The following C19orf47 variants were observed in gnomAD, a reference collection of about 807,000 sequenced individuals.
The protein encoded by C19orf47 is chromosome 19 open reading frame 47, also known as uncharacterized protein C19orf47.
C19orf47 carries 18 observed loss-of-function variants against 32.3 expected under a neutral mutation model. The ratio of observed to expected loss-of-function variants is 0.56; its 90% confidence interval spans 0.39 to 0.83. The LOEUF (loss-of-function observed/expected upper bound fraction) is 0.83, where lower values mean the gene tolerates loss of function less well. Among genes scored for constraint, C19orf47 ranks in the 40% least tolerant of loss-of-function variants. The pLI is 0.00. For synonymous variants in C19orf47, 202 were observed against 211.1 expected, an observed-to-expected ratio of 0.96 and a Z score of 0.37; for missense variants, 484 against 531.6, an observed-to-expected ratio of 0.91 and a Z score of 0.88.
Position 40,321,924 on chromosome 19 carries a change from G to A in C19orf47, c.1116C>T (p.Gly372=). 6.2e-7 allele frequency: 1 copy of A among 1,612,902 alleles called. No individual in the cohort carries two copies. Among genetic ancestry groups the A allele is most frequent in the South Asian group, 1.1e-5 (1 of 90,988 alleles). Reference sequence around the variant, plus strand: ...CCAGTCTTTTGAACACGCTCACAGTGCCCGCGTGGTCCATCTGGGCACCAA... The same window carrying A: ...CCAGTCTTTTGAACACGCTCACAGTACCCGCGTGGTCCATCTGGGCACCAA... ...EGLGAQMDHA[G]TVSVFKRLGR... Residue 372 remains glycine, a synonymous_variant, in exon 9 of 9, where the codon GGC becomes GGT. Coordinates refer to ENST00000683109, the MANE Select transcript of C19orf47 (RefSeq NM_001256441.2).
At chr19:40,324,133 G>T in intron 7 of C19orf47, 57 bp from the exon 8 acceptor site, 1 of 1,559,172 alleles carries the variant, frequency 6.4e-7, no homozygotes, top group Non-Finnish European at 8.8e-7. Context: ...CCTAGGCTGA[G>T]CTCTGTACAG....
chr19:40,325,133 G>A (rs921795347), intron 7 of C19orf47, among the ~76,000 whole-genome samples: 8 of 151,916 alleles, frequency 5.3e-5, no homozygotes, highest in Non-Finnish European at 1.0e-4. Flanking sequence ...AGCTGGGCAC[G>A]GTGGCGTGCA....
At chr19:40,338,198 T>G (rs1021857050) in intron 2 of C19orf47, among the ~76,000 whole-genome samples, 4 of 150,854 alleles carry the variant, frequency 2.7e-5, no homozygotes, top group Non-Finnish European at 5.9e-5. Flanking sequence ...CCTCAGCTTC[T>G]CAAGTAGTTA....
chr19:40,299,104 T>C, the C19orf47 span, among the ~76,000 whole-genome samples: 1 of 152,154 alleles, frequency 6.6e-6, no homozygotes, highest in Non-Finnish European at 1.5e-5. Context: ...TAAAAAATTA[T>C]GTCTTATCAA....
chr19:40,298,314 A>AG, the C19orf47 span, among the ~76,000 whole-genome samples: 24,541 of 150,704 alleles, frequency 0.16, 2,161 homozygotes, highest in African/African-American at 0.2. Flanking sequence ...AAAAAAAAAA[A>AG]AAAAAGAAAA....
intron 4 of C19orf47, 39 bp downstream of exon 4, chr19:40,336,071 G>A (rs1260946143): frequency 3.1e-6 from 5 of 1,591,942 alleles, no homozygotes; most frequent in Non-Finnish European, 4.3e-6. Flanking sequence ...CCACCTCCAT[G>A]CCAAACCCAG....
intron 7 of C19orf47, chr19:40,324,722 A>C (rs1273159916): frequency 6.6e-6 from 1 of 152,358 alleles, no homozygotes; most frequent in Non-Finnish European, 1.5e-5. Flanking sequence ...AAGTTATAGA[A>C]CATGCCAAGA....
At chr19:40,324,133 G>A in intron 7 of C19orf47, 57 bp from the exon 8 acceptor site, 1 of 1,559,174 alleles carries the variant, frequency 6.4e-7, no homozygotes, top group Non-Finnish European at 8.8e-7. Flanking sequence ...CCTAGGCTGA[G>A]CTCTGTACAG....
the C19orf47 span, among the ~76,000 whole-genome samples, chr19:40,295,768 A>C: frequency 2.0e-5 from 3 of 151,446 alleles, no homozygotes; most frequent in Admixed American, 6.6e-5. Context: ...ATTTATTGAG[A>C]CAGGGTCTCG....
At chr19:40,311,066 C>CT in the C19orf47 span, among the ~76,000 whole-genome samples, 1 of 151,930 alleles carries the variant, frequency 6.6e-6, no homozygotes, top group African/African-American at 2.4e-5. Flanking sequence ...AGCAAGCCCC[C>CT]TTCTCTACAA....
chr19:40,348,440 C>T (rs1322317243), upstream of C19orf47: 1 of 1,499,540 alleles, frequency 6.7e-7, no homozygotes, highest in Admixed American at 2.2e-5. Context: ...CTCTCACCGC[C>T]GGAAGCTGAA....
intron 1 of C19orf47, among the ~76,000 whole-genome samples, chr19:40,344,712 T>C (rs934882114): frequency 6.6e-6 from 1 of 152,164 alleles, no homozygotes; most frequent in Admixed American, 6.5e-5. Flanking sequence ...GTTTGTCAAA[T>C]GGCACATCTA....
downstream of C19orf47, chr19:40,319,477 C>T (rs1300785092): frequency 1.3e-5 from 2 of 153,364 alleles, no homozygotes; most frequent in African/African-American, 2.4e-5. Flanking sequence ...AGGGAAAGGG[C>T]CCCAGATTCC....
chr19:40,316,962 G>GTC (rs1422979975), downstream of C19orf47, among the ~76,000 whole-genome samples: 1 of 134,694 alleles, frequency 7.4e-6, no homozygotes. Flanking sequence ...GTGTGTGTGT[G>GTC]TGTGTACATC....
chr19:40,310,623 A>G, the C19orf47 span, among the ~76,000 whole-genome samples: 28,640 of 152,184 alleles, frequency 0.19, 3,080 homozygotes, highest in African/African-American at 0.28. Context: ...TACATGAATT[A>G]TATCTCAGTA....
chr19:40,341,987 C>T (rs1449356936), intron 1 of C19orf47, 97 bp from the exon 2 acceptor site: 13 of 1,527,168 alleles, frequency 8.5e-6, no homozygotes, highest in Non-Finnish European at 1.1e-5. Flanking sequence ...GAGGAATGTT[C>T]CTGGGCTAGG....
intron 1 of C19orf47, among the ~76,000 whole-genome samples, chr19:40,345,113 G>C (rs2078246954): frequency 6.6e-6 from 1 of 152,152 alleles, no homozygotes; most frequent in South Asian, 2.1e-4. Context: ...ATGCTAACCA[G>C]AATCCTTTAA....
chr19:40,326,078 C>T (rs2077822546), intron 7 of C19orf47, among the ~76,000 whole-genome samples: 5 of 152,244 alleles, frequency 3.3e-5, no homozygotes. Context: ...TACAGCAGGC[C>T]ATCACTCTAT....
At chr19:40,297,150 C>G in the C19orf47 span, among the ~76,000 whole-genome samples, 1 of 152,142 alleles carries the variant, frequency 6.6e-6, no homozygotes, top group South Asian at 2.1e-4. Context: ...TGAAAATCAG[C>G]TCTGTCTTCT....
Sources: allele counts gnomAD v4.1 joint callset (sites outside exome capture counted in the v4.1 genomes callset), GRCh38; gene constraint gnomAD v4.1.1; transcripts MANE v1.5; gene names NCBI Gene and HGNC (gene_info 2026-07-23, HGNC 2026-07-21).